The following ZMYND11 variants were observed in gnomAD, a reference collection of about 807,000 sequenced individuals.
ZMYND11 encodes zinc finger MYND domain-containing protein 11.
A neutral mutation model predicts 84.9 loss-of-function variants in ZMYND11; 9 were observed. The ratio of observed to expected loss-of-function variants is 0.11; its 90% CI spans 0.06 to 0.18. The LOEUF (loss-of-function observed/expected upper bound fraction) is 0.18, where lower values mean the gene tolerates loss of function less well. Among genes scored for constraint, ZMYND11 ranks in the 10% least tolerant of loss-of-function variants. The pLI, the probability that ZMYND11 is intolerant of heterozygous loss-of-function variation, is 1.00. For missense variants in ZMYND11, 409 were observed against 761.0 expected (o/e 0.54, Z 5.44); for synonymous variants, 250 against 244.1 (o/e 1.02, Z -0.23).
chr10:151,868 T>C (rs7919991), intron 1 of ZMYND11, among the ~76,000 whole-genome samples: 141,392 of 152,232 alleles, frequency 0.93, 66,020 homozygotes, highest in Non-Finnish European at 0.98. Context: ...GCTGATCTCT[T>C]GGCAGAAACT....
chr10:143,288 T>A (rs1837913304), intron 1 of ZMYND11, among the ~76,000 whole-genome samples: 1 of 152,216 alleles, frequency 6.6e-6, no homozygotes, highest in Non-Finnish European at 1.5e-5. Flanking sequence ...TGCAACGGGA[T>A]AATTGAGGGC....
At chr10:186,998 T>A (rs187906112) in intron 2 of ZMYND11, among the ~76,000 whole-genome samples, 27 of 152,096 alleles carry the variant, frequency 1.8e-4, no homozygotes, top group African/African-American at 6.5e-4. Context: ...GAGGCTGAGA[T>A]TGGGGGATCG....
At chr10:132,217 C>T (rs886179949), upstream of ZMYND11, among the ~76,000 whole-genome samples, 6 of 151,130 alleles carry the variant, frequency 4.0e-5, no homozygotes, top group South Asian at 4.2e-4. Flanking sequence ...TCCCCTTCCA[C>T]GCTGTGGAAG....
intron 2 of ZMYND11, among the ~76,000 whole-genome samples, chr10:183,870 C>T (rs1356040296): frequency 6.6e-6 from 1 of 152,166 alleles, no homozygotes; most frequent in Admixed American, 6.5e-5. Context: ...TCTTCTTGTA[C>T]ATATCCTGCC....
At chr10:182,061 G>A (rs764246372) in intron 2 of ZMYND11, among the ~76,000 whole-genome samples, 9 of 152,116 alleles carry the variant, frequency 5.9e-5, no homozygotes, top group African/African-American at 1.4e-4. Context: ...CATGACAGCC[G>A]TTTCAGTTTT....
At chr10:171,025 A>C (rs1363040147) in intron 1 of ZMYND11, among the ~76,000 whole-genome samples, 1 of 152,154 alleles carries the variant, frequency 6.6e-6, no homozygotes, top group African/African-American at 2.4e-5. Flanking sequence ...GAATAGCTAT[A>C]TCAGTTTCAG....
chr10:221,442 C>G, intron 4 of ZMYND11, 86 bp downstream of exon 4: 1 of 1,405,144 alleles, frequency 7.1e-7, no homozygotes, highest in South Asian at 1.4e-5. Flanking sequence ...GGTGGTCTTG[C>G]CAGGTGAACG....
chr10:245,783 A>G (rs576080307), intron 10 of ZMYND11, among the ~76,000 whole-genome samples: 1 of 152,320 alleles, frequency 6.6e-6, no homozygotes, highest in South Asian at 2.1e-4. Context: ...GCATTGCATT[A>G]TAATTATTCC....
At chr10:143,898 G>A (rs1302153736) in intron 1 of ZMYND11, among the ~76,000 whole-genome samples, 2 of 151,962 alleles carry the variant, frequency 1.3e-5, no homozygotes, top group Non-Finnish European at 2.9e-5. Context: ...CAACACTTTG[G>A]GAGGCCGAGG....
chr10:145,845 C>T lies in ZMYND11; in HGVS notation c.-20+10286C>T, dbSNP rs183729853. Among the ~76,000 whole-genome samples, 46 of 152,122 alleles carry T rather than the reference C, an allele frequency of 3.0e-4. No homozygotes were observed. In the East Asian group the frequency reaches 8.3e-3, roughly 27 times the overall value. The stretch of plus-strand genomic sequence containing the variant: ...TCTCCCATTTTGTGGGTTGTTTAAT[C>T]TGATGATTATTTTCTTTGCTGTGCA... On this transcript the variant is annotated intron_variant, in intron 1 of 14. Transcript: ENST00000381604.
intron 4 of ZMYND11, among the ~76,000 whole-genome samples, chr10:232,408 A>T (rs990217756): frequency 1.1e-4 from 16 of 152,204 alleles, no homozygotes; most frequent in African/African-American, 3.9e-4. Flanking sequence ...GAAAACCCTC[A>T]AGTTTTTCAA....
intron 2 of ZMYND11, among the ~76,000 whole-genome samples, chr10:201,898 G>A (rs1218676585): frequency 6.6e-6 from 1 of 152,110 alleles, no homozygotes; most frequent in Non-Finnish European, 1.5e-5. Flanking sequence ...AATTAAAATA[G>A]CAGACTAGAA....
At chr10:224,270 AT>A (rs2131471946) in intron 4 of ZMYND11, among the ~76,000 whole-genome samples, 2 of 152,310 alleles carry the variant, frequency 1.3e-5, no homozygotes, top group South Asian at 4.1e-4. Context: ...TTTCTGAAAT[AT>A]TTTAACAGGA....
intron 4 of ZMYND11, among the ~76,000 whole-genome samples, chr10:231,600 A>T (rs757988705): frequency 6.6e-6 from 1 of 152,172 alleles, no homozygotes; most frequent in Non-Finnish European, 1.5e-5. Flanking sequence ...ATAATCAGCT[A>T]TGGATAAACT....
At chr10:169,526 GC>G (rs1482354099) in intron 1 of ZMYND11, among the ~76,000 whole-genome samples, 1 of 152,168 alleles carries the variant, frequency 6.6e-6, no homozygotes, top group Non-Finnish European at 1.5e-5. Context: ...TGATTAAAAT[GC>G]TAAGAGTTTT....
chr10:152,844 G>A (rs1052561245), intron 1 of ZMYND11, among the ~76,000 whole-genome samples: 1 of 152,192 alleles, frequency 6.6e-6, no homozygotes, highest in Non-Finnish European at 1.5e-5. Flanking sequence ...TAAAAGAACA[G>A]AAATTATAAC....
intron 1 of ZMYND11, among the ~76,000 whole-genome samples, chr10:175,329 A>G (rs1554766699): frequency 6.6e-6 from 1 of 152,214 alleles, no homozygotes; most frequent in East Asian, 1.9e-4. Flanking sequence ...GCACTTTGCG[A>G]GGCCTAGGTG....
chr10:183,461 T>C (rs1486830442), intron 2 of ZMYND11, among the ~76,000 whole-genome samples: 2 of 152,188 alleles, frequency 1.3e-5, no homozygotes, highest in African/African-American at 4.8e-5. Context: ...TCTCATTTTG[T>C]GATGTACATA....
At chr10:161,217 C>T (rs1842889466) in intron 1 of ZMYND11, among the ~76,000 whole-genome samples, 1 of 152,188 alleles carries the variant, frequency 6.6e-6, no homozygotes, top group Non-Finnish European at 1.5e-5. Context: ...TCCATTAGAG[C>T]TCTGGGGTAA....
Sources: allele counts gnomAD v4.1 joint callset (sites outside exome capture counted in the v4.1 genomes callset), GRCh38; gene constraint gnomAD v4.1.1; transcripts MANE v1.5; gene names NCBI Gene and HGNC (gene_info 2026-07-23, HGNC 2026-07-21).